LRBA: variants seen among roughly 807,000 people sequenced by gnomAD.
The protein encoded by LRBA is LPS responsive beige-like anchor protein.
LRBA carries 176 observed loss-of-function variants against 330.0 expected under a neutral mutation model. The ratio of observed to expected loss-of-function variants is 0.53; its 90% CI spans 0.47 to 0.60. The LOEUF (loss-of-function observed/expected upper bound fraction) is 0.60. Among genes scored for constraint, LRBA ranks in the 20% least tolerant of loss-of-function variants. LRBA has a pLI of 0.00. For synonymous variants in LRBA, 1,230 were observed against 1,193.0 expected, an observed-to-expected ratio of 1.03 and a Z score of -0.64; for missense variants, 3,259 against 3,444.8, an observed-to-expected ratio of 0.95 and a Z score of 1.35.
At chr4:150,872,182 C>T (rs1380274239) in intron 18 of LRBA, among the ~76,000 whole-genome samples, 6 of 152,226 alleles carry the variant, frequency 3.9e-5, no homozygotes, top group African/African-American at 1.2e-4. Flanking sequence ...ACTTGTTCTA[C>T]CCCCAAAATT....
At chr4:150,631,462 T>C (rs1196443064) in intron 37 of LRBA, among the ~76,000 whole-genome samples, 2 of 152,200 alleles carry the variant, frequency 1.3e-5, no homozygotes, top group Non-Finnish European at 2.9e-5. Flanking sequence ...AATTGATTTA[T>C]CATTTTGAAG....
chr4:150,379,449 A>G (rs937840475), intron 47 of LRBA, among the ~76,000 whole-genome samples: 1 of 152,178 alleles, frequency 6.6e-6, no homozygotes, highest in African/African-American at 2.4e-5. Flanking sequence ...GTTGGTTAAA[A>G]TGGATAGAAG....
intron 37 of LRBA, among the ~76,000 whole-genome samples, chr4:150,617,076 A>G (rs1313544668): frequency 2.0e-5 from 3 of 152,218 alleles, no homozygotes; most frequent in African/African-American, 7.2e-5. Flanking sequence ...ACACTCAAGT[A>G]TCAATATTCA....
At chr4:150,880,488 C>T (rs867896266) in intron 17 of LRBA, among the ~76,000 whole-genome samples, 3 of 149,706 alleles carry the variant, frequency 2.0e-5, no homozygotes, top group Non-Finnish European at 3.0e-5. Context: ...CCACTGCACT[C>T]CAACCTGGGA....
intron 52 of LRBA, among the ~76,000 whole-genome samples, chr4:150,309,208 C>A (rs1327380368): frequency 1.3e-5 from 2 of 152,126 alleles, no homozygotes; most frequent in Non-Finnish European, 2.9e-5. Flanking sequence ...TTTAGACACA[C>A]AGATACTTAC....
chr4:150,587,509 A>C (rs963363090), intron 40 of LRBA, among the ~76,000 whole-genome samples: 3 of 152,246 alleles, frequency 2.0e-5, no homozygotes, highest in African/African-American at 7.2e-5. Flanking sequence ...AATATATTTT[A>C]AAGGGGAAAT....
At chr4:150,923,649 C>T (rs1013362388) in intron 4 of LRBA, among the ~76,000 whole-genome samples, 3 of 152,034 alleles carry the variant, frequency 2.0e-5, no homozygotes, top group African/African-American at 7.2e-5. Context: ...ATGAAACAAC[C>T]AACAATAAAA....
At chr4:150,834,130 T>G (rs1232247776) in intron 28 of LRBA, among the ~76,000 whole-genome samples, 1 of 152,210 alleles carries the variant, frequency 6.6e-6, no homozygotes, top group Non-Finnish European at 1.5e-5. Context: ...TCCATGGAAA[T>G]CATGAACTCC....
At chr4:150,822,505 G>T (rs1578892789) in intron 30 of LRBA, among the ~76,000 whole-genome samples, 1 of 152,116 alleles carries the variant, frequency 6.6e-6, no homozygotes, top group Non-Finnish European at 1.5e-5. Context: ...AGTGGCTCAC[G>T]CCTGGAATCC....
intron 40 of LRBA, among the ~76,000 whole-genome samples, chr4:150,530,964 G>A (rs937132335): frequency 3.3e-5 from 5 of 152,116 alleles, no homozygotes; most frequent in Non-Finnish European, 7.3e-5. Flanking sequence ...AAGCACCAGC[G>A]ACACGAATTC....
chr4:150,586,700 A>G (rs1772157792), intron 40 of LRBA, among the ~76,000 whole-genome samples: 1 of 152,184 alleles, frequency 6.6e-6, no homozygotes, highest in South Asian at 2.1e-4. Context: ...CTCTAAAAGG[A>G]GCAAATAACT....
In LRBA at chr4:150,729,116, C is replaced by T. The variant is rs1730097231; in HGVS notation, c.5754+6142G>A. Among the ~76,000 whole-genome samples the T allele has an allele frequency of 2.6e-5, 4 of 152,148 alleles. No homozygotes were observed. In the South Asian group the frequency reaches 8.3e-4, roughly 32 times the overall value. On this transcript the variant is annotated intron_variant, in intron 36 of 56. Transcript: ENST00000651943. ...GGTGGACTGCTTGAGCCCAGGAGTT[C>T]GAGACCAGCTGGGCAACATGGTAAA...
intron 47 of LRBA, among the ~76,000 whole-genome samples, chr4:150,376,049 C>T (rs1269548427): frequency 6.6e-6 from 1 of 152,166 alleles, no homozygotes; most frequent in African/African-American, 2.4e-5. Flanking sequence ...ATTAATTAGG[C>T]AAACAATATA....
At chr4:150,810,872 G>A (rs1484425950) in intron 31 of LRBA, among the ~76,000 whole-genome samples, 1 of 152,180 alleles carries the variant, frequency 6.6e-6, no homozygotes, top group Non-Finnish European at 1.5e-5. Flanking sequence ...AAAGTGCGAG[G>A]GTTATAGGTG....
intron 28 of LRBA, among the ~76,000 whole-genome samples, chr4:150,832,400 A>G (rs1747338015): frequency 6.6e-6 from 1 of 152,214 alleles, no homozygotes; most frequent in Non-Finnish European, 1.5e-5. Flanking sequence ...ATTTGAGACC[A>G]GCCTGGCCAA....
chr4:150,319,245 T>C (rs1347002042), intron 50 of LRBA, among the ~76,000 whole-genome samples: 1 of 152,108 alleles, frequency 6.6e-6, no homozygotes, highest in Non-Finnish European at 1.5e-5. Context: ...CAGTCAGGGC[T>C]TTCCAGCAGT....
At chr4:150,872,632 A>T (rs1392003086) in intron 18 of LRBA, 31 bp downstream of exon 18, 3 of 1,346,958 alleles carry the variant, frequency 2.2e-6, no homozygotes, top group Non-Finnish European at 3.2e-6. Flanking sequence ...AGTAGAATAC[A>T]ACAGTCCATC....
At chr4:150,662,423 G>T (rs1292243386) in intron 37 of LRBA, among the ~76,000 whole-genome samples, 1 of 152,124 alleles carries the variant, frequency 6.6e-6, no homozygotes, top group Non-Finnish European at 1.5e-5. Flanking sequence ...CCCTTGTTAG[G>T]ATAAAAGAAG....
At chr4:150,905,813 A>C in intron 13 of LRBA, 25 bp downstream of exon 13, 1 of 1,556,808 alleles carries the variant, frequency 6.4e-7, no homozygotes, top group Non-Finnish European at 8.7e-7. Flanking sequence ...TAGTAAAACA[A>C]TATCAATATA....
Sources: gnomAD v4.1 joint callset for allele counts (sites outside exome capture counted in the v4.1 genomes callset) on GRCh38, gnomAD v4.1.1 for gene constraint, MANE v1.5 for transcripts, NCBI Gene and HGNC (gene_info 2026-07-23, HGNC 2026-07-21) for gene names.